The following NFU1 variants were observed in gnomAD, a reference collection of about 807,000 sequenced individuals.
NFU1 encodes NFU1 iron-sulfur cluster scaffold.
In NFU1, 30 loss-of-function variants were observed where a neutral mutation model predicts 32.2. The observed-to-expected ratio is 0.93, with a 90% CI of 0.70 to 1.26. The LOEUF (loss-of-function observed/expected upper bound fraction) is 1.26, where lower values mean the gene tolerates loss of function less well. Among genes scored for constraint, NFU1 ranks in the 50% most tolerant of loss-of-function variants. NFU1 has a pLI of 0.00. For missense variants in NFU1, 306 were observed against 306.6 expected (o/e 1.00, Z 0.02); for synonymous variants, 112 against 104.6 (o/e 1.07, Z -0.43).
At chr2:69,418,088 AT>A (rs1368484089) in intron 4 of NFU1, among the ~76,000 whole-genome samples, 1 of 148,136 alleles carries the variant, frequency 6.8e-6, no homozygotes, top group Non-Finnish European at 1.5e-5. Context: ...TCCTTAAAAA[AT>A]ATGGAAGAAA....
chr2:69,406,206 T>C, intron 5 of NFU1, 124 bp from the exon 6 acceptor site: 3 of 648,074 alleles, frequency 4.6e-6, no homozygotes, highest in Non-Finnish European at 8.2e-6. Context: ...AGAAAGAACA[T>C]GTAACTTGGT....
intron 6 of NFU1, among the ~76,000 whole-genome samples, chr2:69,402,081 G>A (rs1348779203): frequency 6.6e-6 from 1 of 152,040 alleles, no homozygotes; most frequent in Admixed American, 6.6e-5. Context: ...TTTTAGTAGA[G>A]ACCATGTTTC....
At chr2:69,403,999 C>T (rs970803894) in intron 6 of NFU1, among the ~76,000 whole-genome samples, 9 of 150,886 alleles carry the variant, frequency 6.0e-5, no homozygotes, top group East Asian at 2.0e-4. Context: ...CCACCATGCC[C>T]GGCTAATTTT....
chr2:69,415,355 A>G, intron 4 of NFU1, 56 bp from the exon 5 acceptor site: 1 of 956,284 alleles, frequency 1.0e-6, no homozygotes, highest in Non-Finnish European at 1.7e-6. Flanking sequence ...AGACCCATAC[A>G]GAACACTACC....
chr2:69,407,741 C>G (rs964737706), intron 5 of NFU1, among the ~76,000 whole-genome samples: 1 of 150,238 alleles, frequency 6.7e-6, no homozygotes, highest in African/African-American at 2.4e-5. Context: ...GGGCTGGGCG[C>G]AGTGGTTCCC....
At chr2:69,437,315 T>C (rs1673878406) in intron 1 of NFU1, 46 bp downstream of exon 1, 2 of 1,582,558 alleles carry the variant, frequency 1.3e-6, no homozygotes, top group Non-Finnish European at 1.7e-6. Flanking sequence ...CTCCGCTGGC[T>C]AAGCCCAGCG....
intron 7 of NFU1, among the ~76,000 whole-genome samples, chr2:69,396,786 A>G (rs1322084702): frequency 6.6e-6 from 1 of 152,188 alleles, no homozygotes; most frequent in Admixed American, 6.6e-5. Flanking sequence ...TAAATAATTA[A>G]CTGGGGCCAG....
intron 2 of NFU1, among the ~76,000 whole-genome samples, chr2:69,431,049 C>G (rs1475438795): frequency 6.6e-6 from 1 of 152,178 alleles, no homozygotes; most frequent in African/African-American, 2.4e-5. Flanking sequence ...TATTTTAAAT[C>G]ATATCTATTT....
chr2:69,399,388 G>A (rs746996953), intron 7 of NFU1: 1 of 454,686 alleles, frequency 2.2e-6, no homozygotes, highest in Non-Finnish European at 4.4e-6. Flanking sequence ...TACTCCTTAG[G>A]TATGTTGGCA....
intron 5 of NFU1, among the ~76,000 whole-genome samples, chr2:69,409,881 T>G (rs1352680079): frequency 6.6e-6 from 1 of 152,154 alleles, no homozygotes; most frequent in Non-Finnish European, 1.5e-5. Flanking sequence ...GGATCAAATT[T>G]CAGCATGATA....
chr2:69,430,357 C>A (rs1391402208), intron 2 of NFU1, among the ~76,000 whole-genome samples: 3 of 152,092 alleles, frequency 2.0e-5, no homozygotes, highest in African/African-American at 7.2e-5. Flanking sequence ...GGACTACAGG[C>A]ATGCACCACC....
chr2:69,411,877 G>A (rs1274069758), intron 5 of NFU1, among the ~76,000 whole-genome samples: 1 of 152,070 alleles, frequency 6.6e-6, no homozygotes, highest in African/African-American at 2.4e-5. Flanking sequence ...ACAGGTGTGG[G>A]GCGTGGTGTC....
chr2:69,437,964 C>T (rs1467316327), upstream of NFU1, among the ~76,000 whole-genome samples: 4 of 152,186 alleles, frequency 2.6e-5, no homozygotes, highest in Non-Finnish European at 5.9e-5. Flanking sequence ...GACCAACCCG[C>T]ACAGAGGATG....
At chr2:69,438,934 G>A (rs1036997410), upstream of NFU1, among the ~76,000 whole-genome samples, 12 of 121,576 alleles carry the variant, frequency 9.9e-5, no homozygotes, top group East Asian at 7.2e-4. Flanking sequence ...ATTCTAGACC[G>A]CAAGGCAGTC....
At chr2:69,438,963 CCTCA>C (rs1291850253), upstream of NFU1, among the ~76,000 whole-genome samples, 2 of 145,142 alleles carry the variant, frequency 1.4e-5, no homozygotes, top group Non-Finnish European at 3.0e-5. Context: ...TGTTTTTGAC[CCTCA>C]ATCAAAAATA....
intron 6 of NFU1, among the ~76,000 whole-genome samples, chr2:69,403,374 C>T (rs938049036): frequency 1.3e-5 from 2 of 151,952 alleles, no homozygotes; most frequent in Non-Finnish European, 2.9e-5. Context: ...CTATTTCTCC[C>T]CTCCGGAGGT....
chr2:69,435,435 C>G (rs542291154), intron 1 of NFU1, among the ~76,000 whole-genome samples: 23 of 152,332 alleles, frequency 1.5e-4, no homozygotes, highest in South Asian at 8.3e-4. Flanking sequence ...ATTTTTTTCT[C>G]TCTCTCACAA....
At chr2:69,396,739 T>C (rs1672350106) in intron 7 of NFU1, among the ~76,000 whole-genome samples, 1 of 152,164 alleles carries the variant, frequency 6.6e-6, no homozygotes, top group Non-Finnish European at 1.5e-5. Flanking sequence ...TCAAAGAGGC[T>C]ACCCATAGCA....
At chr2:69,399,281 C>CT (rs1672435405) in intron 7 of NFU1, 1 of 397,798 alleles carries the variant, frequency 2.5e-6, no homozygotes, top group South Asian at 1.8e-5. Flanking sequence ...CCACACATCC[C>CT]TTCACTCCTT....
Sources: allele counts gnomAD v4.1 joint callset (sites outside exome capture counted in the v4.1 genomes callset), GRCh38; gene constraint gnomAD v4.1.1; transcripts MANE v1.5; gene names NCBI Gene and HGNC (gene_info 2026-07-23, HGNC 2026-07-21).